Variants in CEP250 observed in about 807,000 individuals in gnomAD.
The protein encoded by CEP250 is centrosomal protein 250.
A neutral mutation model predicts 315.7 loss-of-function variants in CEP250; 242 were observed. The observed-to-expected ratio is 0.77, with a 90% CI of 0.69 to 0.85. CEP250 has a LOEUF of 0.85. Ranked by LOEUF, CEP250 falls within the 40% of genes least tolerant of loss-of-function variation. The pLI is 0.00. For missense variants in CEP250, 2,515 were observed against 2,886.4 expected, an observed-to-expected ratio of 0.87 and a Z score of 2.95; for synonymous variants, 1,088 against 1,175.0, an observed-to-expected ratio of 0.93 and a Z score of 1.51.
rs377314862 is a variant in CEP250 at position 35,466,069 on chromosome 20, G to A, written c.357G>A (p.Gln119=). Residue 119 remains glutamine (Q), a synonymous_variant, in exon 7 of 35, where the codon CAG becomes CAA. Coordinates refer to ENST00000397527, the MANE Select transcript of CEP250 (RefSeq NM_007186.6). ...RCESLAEVNT[Q]LRLHMEKADV... ...AGAGTCTAGCAGAGGTGAACACCCA[G>A]CTTCGACTGCACATGGAAAAAGCTG... 24 of 1,614,106 alleles carry A rather than the reference G, an allele frequency of 1.5e-5. No individual in the cohort carries two copies. Among genetic ancestry groups the A allele is most frequent in the African/African-American group, 5.3e-5 (4 of 74,924 alleles).
rs574681736 is a variant in CEP250, at chr20:35,480,333, C to T, written c.2586+188C>T. Among the ~76,000 whole-genome samples the T allele has an allele frequency of 1.1e-3, 161 of 152,176 alleles. 1 individual carries two copies. Among genetic ancestry groups the T allele is most frequent in the Non-Finnish European group, 1.9e-3 (127 of 67,996 alleles). ...TAGTTCCTAGCATGTGGTGGGCTCC[C>T]TATATGTGTTAGCCATTATTATTGT... On this transcript the variant is annotated intron_variant, in intron 20 of 34. Transcript: ENST00000397527.
chr20:35,475,650 C>T lies in CEP250; in HGVS notation c.1716+4C>T, dbSNP rs1241548210. On this transcript the variant is annotated splice_donor_region_variant and intron_variant, in intron 15 of 34. Coordinates refer to ENST00000397527, the MANE Select transcript of CEP250 (RefSeq NM_007186.6). Reference sequence around the variant, plus strand: ...AGTGACCGCAGCGCTGGCTAGGGTGCGTGGCCTCCTCTCCTCACTTGCTGG... The same window carrying T: ...AGTGACCGCAGCGCTGGCTAGGGTGTGTGGCCTCCTCTCCTCACTTGCTGG... 24 of 1,612,686 alleles carry T rather than the reference C, an allele frequency of 1.5e-5. No homozygotes were observed. Among genetic ancestry groups the T allele is most frequent in the Non-Finnish European group, 1.9e-5 (22 of 1,179,746 alleles).
In CEP250 at chr20:35,513,290, T is replaced by C. The variant is rs2147251125; in HGVS notation, c.*1664T>C. The C allele has an allele frequency of 6.6e-6, 1 of 152,134 alleles. No individual in the cohort carries two copies. Among genetic ancestry groups the C allele is most frequent in the East Asian group, 1.9e-4 (1 of 5,166 alleles). 9.4% of individuals were successfully genotyped at this position (152,134 alleles called of 1,614,324 possible). Reference sequence around the variant, plus strand: ...TTTTTTTGAGACAGAGTTTTGCTCTTGTTGCCCAGGCTGGAGTGCAGTGAC... The same window carrying C: ...TTTTTTTGAGACAGAGTTTTGCTCTCGTTGCCCAGGCTGGAGTGCAGTGAC... On this transcript the variant is annotated 3_prime_UTR_variant, in exon 35 of 35. Transcript: ENST00000397527.
intron 17 of CEP250, among the ~76,000 whole-genome samples, chr20:35,478,919 C>A (rs1806948517): frequency 6.6e-6 from 1 of 152,176 alleles, no homozygotes; most frequent in Non-Finnish European, 1.5e-5. Context: ...TTCACAGAGT[C>A]CCTTTCTCGG....
chr20:35,473,011 C>T (rs1281589621), intron 12 of CEP250, among the ~76,000 whole-genome samples, 180 bp downstream of exon 12: 1 of 152,148 alleles, frequency 6.6e-6, no homozygotes, highest in East Asian at 1.9e-4. Flanking sequence ...GAGTAGCAGG[C>T]ACATCCTCCA....
Position 35,472,617 on chromosome 20 carries a change from C to G in CEP250, c.1051-56C>G, listed in dbSNP as rs1012726898. 4.4e-6 allele frequency: 7 copies of G among 1,581,768 alleles called. No homozygotes were observed. In the African/African-American group the frequency reaches 8.1e-5, roughly 18 times the overall value. ...GTCCAGGCTATAGGGTTAAGTCCCT[C>G]TATAGACTCTAGGCTTTGGTCAGTA... On this transcript the variant is annotated intron_variant, in intron 11 of 34. Transcript: ENST00000397527.
Position 35,515,802 on chromosome 20 carries a change from TGAG to T in CEP250, c.*4183_*4185del, listed in dbSNP as rs2064429998. On this transcript the variant is annotated 3_prime_UTR_variant, in exon 35 of 35. Coordinates refer to ENST00000397527, the MANE Select transcript of CEP250 (RefSeq NM_007186.6). ...CCCTCCACATGATTCTGGGCACAGC[TGAG>T]GAGGAGTGCAAGCTCAACTCTGCTC... is the stretch of plus-strand genomic sequence containing the variant. 6.6e-6 allele frequency: 1 copy of T among 152,294 alleles called. No homozygotes were observed. Among genetic ancestry groups the T allele is most frequent in the African/African-American group, 2.4e-5 (1 of 41,460 alleles). The allele number at this position is 152,294 out of a possible 1,614,324, so 9.4% of individuals were successfully genotyped here. A position where few individuals can be genotyped will look rare whatever the true frequency, so the allele number is the denominator to read the frequency against.
At position 35,497,801 on chromosome 20, in the gene CEP250, C is replaced by T. The variant is rs376566049; in HGVS notation, c.3389C>T (p.Ala1130Val). 3.6e-4 allele frequency: 565 copies of T among 1,561,336 alleles called. 5 individuals carry two copies. The South Asian group carries it at 6.2e-3, about 17-fold the overall frequency. Residue 1130 changes from alanine to valine, a missense_variant, in exon 26 of 35, where the codon GCG (alanine) becomes GTG (valine). Coordinates refer to ENST00000397527, the MANE Select transcript of CEP250 (RefSeq NM_007186.6). ...GCACAGCTGCTGGAGGAGCTGGAGG[C>T]GTCTCATATCACGGAGCAGCAGCTG... Reference protein sequence around the residue: ...QEAQLLEELEASHITEQQLRA... With the variant: ...QEAQLLEELEVSHITEQQLRA...
chr20:35,465,080 A>G (rs1463886790), intron 5 of CEP250, among the ~76,000 whole-genome samples: 1 of 152,144 alleles, frequency 6.6e-6, no homozygotes, highest in Non-Finnish European at 1.5e-5. Context: ...GGAACGATAT[A>G]CCGCTTTCAT....
At position 35,502,736 on chromosome 20, in the gene CEP250, C is replaced by A; in HGVS notation, c.4367C>A (p.Ala1456Asp). 6.2e-7 allele frequency: 1 copy of A among 1,614,228 alleles called. No individual in the cohort carries two copies. Reference sequence around the variant, plus strand: ...GAGAAGCAACGGGAAATGCAGAAGGCTGCTTTGGAATTGCTGTCTCTGGAC... The same window carrying A: ...GAGAAGCAACGGGAAATGCAGAAGGATGCTTTGGAATTGCTGTCTCTGGAC... ...ELEKQREMQKAALELLSLDLK... is the reference protein window; with the variant it reads ...ELEKQREMQKDALELLSLDLK... The change falls in exon 30 of 35, where the codon GCT becomes GAT. Residue 1456 changes from alanine (A) to aspartate (D), a missense_variant. Ala to Asp is a moderately radical substitution (Grantham distance 126, BLOSUM62 -2). Transcript: ENST00000397527.
At chr20:35,491,982 G>C (rs2063711382) in intron 22 of CEP250, among the ~76,000 whole-genome samples, 1 of 151,564 alleles carries the variant, frequency 6.6e-6, no homozygotes, top group South Asian at 2.1e-4. Flanking sequence ...ACATTCCTGT[G>C]GCAGAAATGG....
At chr20:35,489,960 C>T (rs937509691) in intron 20 of CEP250, among the ~76,000 whole-genome samples, 3 of 152,206 alleles carry the variant, frequency 2.0e-5, no homozygotes. Flanking sequence ...AGGAGGACCA[C>T]TTGCGCCCAG....
chr20:35,463,893 C>A (rs543879571), intron 5 of CEP250, among the ~76,000 whole-genome samples: 2 of 152,326 alleles, frequency 1.3e-5, no homozygotes, highest in East Asian at 3.9e-4. Flanking sequence ...GTGCATGTTT[C>A]CTCCAGCAGG....
chr20:35,511,725 G>A lies in CEP250; in HGVS notation c.*99G>A. The A allele has an allele frequency of 1.4e-6, 2 of 1,469,254 alleles. No individual in the cohort carries two copies. The highest frequency in any genetic ancestry group is 1.8e-6 in the Non-Finnish European group (2 of 1,112,714). 91.0% of individuals were successfully genotyped at this position (1,469,254 alleles called of 1,614,324 possible). ...CCAAAGGAAAAGCCTGGCTCTGTTAGGCACCCAGGAGCCCCAGGTCGGCGG... is the reference window on the plus strand; with the variant it reads ...CCAAAGGAAAAGCCTGGCTCTGTTAAGCACCCAGGAGCCCCAGGTCGGCGG... On this transcript the variant is annotated 3_prime_UTR_variant, in exon 35 of 35. Transcript: ENST00000397527.
chr20:35,501,922 CAG>C lies in CEP250; in HGVS notation c.3979_3980del (p.Arg1328ProfsTer14). 1.2e-6 allele frequency: 2 copies of C among 1,613,628 alleles called. No homozygotes were observed. The highest frequency in any genetic ancestry group is 1.7e-6 in the Non-Finnish European group (2 of 1,180,014). Reference protein sequence around the residue: ...MELHETMASLQSRLRRAELQR... With the variant: ...MELHETMASLXSRLRRAELQR... ...ACTACATGAAACTATGGCATCCTTA[CAG>C]AGTCGCCTGCGGAGAGCAGAGCTAC... On this transcript the variant is annotated frameshift_variant, in exon 29 of 35. Coordinates refer to ENST00000397527, the MANE Select transcript of CEP250 (RefSeq NM_007186.6). LOFTEE classifies it high-confidence loss of function.
rs1173963214 is a variant in CEP250 at position 35,466,219 on chromosome 20, G to A, written c.492+15G>A. 1.3e-6 allele frequency: 2 copies of A among 1,567,196 alleles called. No homozygotes were observed. The highest frequency in any genetic ancestry group is 2.4e-5 in the East Asian group (1 of 42,034). ...TGGAGCAGGAGGTAGGAAGAACGGG[G>A]ACTGGAACTGTGAGAGGAAGCCTGT... On this transcript the variant is annotated intron_variant, in intron 7 of 34. Transcript: ENST00000397527.
rs569215874 is a variant in CEP250, at chr20:35,504,324, C to T, written c.5955C>T (p.Leu1985=). The change falls in exon 30 of 35, where the codon CTC becomes CTT. Residue 1985 remains leucine (L), a synonymous_variant. Coordinates refer to ENST00000397527, the MANE Select transcript of CEP250 (RefSeq NM_007186.6). ...TGCAGGGGAAAGAGCAGCATCTCCT[C>T]GAGCAGGCAGAATTGAGCCGCAGTC... ...AALQGKEQHL[L]EQAELSRSLE... is the part of the protein sequence containing the mutation. 3.0e-5 allele frequency: 47 copies of T among 1,589,616 alleles called. No homozygotes were observed. The highest frequency in any genetic ancestry group is 2.2e-4 in the Admixed American group (12 of 55,774).
At position 35,504,298 on chromosome 20, in the gene CEP250, C is replaced by G. The variant is rs1055467372; in HGVS notation, c.5929C>G (p.Leu1977Val). ...GGCCCTTGGCAAGGCTCATGCTGCC[C>G]TGCAGGGGAAAGAGCAGCATCTCCT... is the stretch of plus-strand genomic sequence containing the variant. ...QEALGKAHAALQGKEQHLLEQ... is the reference protein window; with the variant it reads ...QEALGKAHAAVQGKEQHLLEQ... The change falls in exon 30 of 35, where the codon CTG becomes GTG. Residue 1977 changes from leucine (L) to valine (V), a missense_variant. Coordinates refer to ENST00000397527, the MANE Select transcript of CEP250 (RefSeq NM_007186.6). 6.3e-7 allele frequency: 1 copy of G among 1,587,852 alleles called. No homozygotes were observed. Among genetic ancestry groups the G allele is most frequent in the Non-Finnish European group, 8.6e-7 (1 of 1,167,466 alleles).
chr20:35,500,255 C>T, intron 28 of CEP250, 86 bp downstream of exon 28: 1 of 1,500,768 alleles, frequency 6.7e-7, no homozygotes, highest in Non-Finnish European at 9.0e-7. Flanking sequence ...GCCTAGCAGC[C>T]ACTCTGTTTA....
Sources: allele counts gnomAD v4.1 joint callset (sites outside exome capture counted in the v4.1 genomes callset), GRCh38; gene constraint gnomAD v4.1.1; transcripts MANE v1.5; gene names NCBI Gene and HGNC (gene_info 2026-07-23, HGNC 2026-07-21).